NFKB1: variants seen among roughly 807,000 people sequenced by gnomAD.
NFKB1 encodes nuclear factor kappa B subunit 1, also known as nuclear factor NF-kappa-B p105 subunit.
In NFKB1, 9 loss-of-function variants were observed where a neutral mutation model predicts 105.1. The ratio of observed to expected loss-of-function variants is 0.09; its 90% CI spans 0.05 to 0.15. NFKB1 has a LOEUF of 0.15. Among genes scored for constraint, NFKB1 ranks in the 10% least tolerant of loss-of-function variants. The pLI is 1.00. For synonymous variants in NFKB1, 440 were observed against 442.2 expected (o/e 1.00, Z 0.06); for missense variants, 830 against 1,203.7 (o/e 0.69, Z 4.59).
chr4:102,515,403 C>T (rs1281342376), intron 1 of NFKB1, among the ~76,000 whole-genome samples: 1 of 152,140 alleles, frequency 6.6e-6, no homozygotes, highest in Non-Finnish European at 1.5e-5. Flanking sequence ...AGCCACCGCG[C>T]CCGGCCCCAT....
At chr4:102,562,887 GTCA>G (rs970194679) in intron 5 of NFKB1, among the ~76,000 whole-genome samples, 5 of 151,982 alleles carry the variant, frequency 3.3e-5, no homozygotes, top group Non-Finnish European at 5.9e-5. Context: ...CATTACCATT[GTCA>G]TCATCATCAT....
intron 1 of NFKB1, among the ~76,000 whole-genome samples, chr4:102,503,962 G>C (rs1432734003): frequency 1.3e-5 from 2 of 152,172 alleles, no homozygotes; most frequent in Non-Finnish European, 2.9e-5. Context: ...TCTAGATAGG[G>C]AATTGGCAGC....
At chr4:102,523,074 T>A (rs758238051) in intron 1 of NFKB1, among the ~76,000 whole-genome samples, 1 of 152,200 alleles carries the variant, frequency 6.6e-6, no homozygotes, top group Non-Finnish European at 1.5e-5. Flanking sequence ...GGTTATATTC[T>A]TTTCAAAAAT....
intron 1 of NFKB1, among the ~76,000 whole-genome samples, chr4:102,511,464 C>A (rs1462628628): frequency 1.3e-5 from 2 of 151,972 alleles, no homozygotes; most frequent in Non-Finnish European, 2.9e-5. Flanking sequence ...TGCTTAAACC[C>A]AGGAATTTGA....
intron 1 of NFKB1, among the ~76,000 whole-genome samples, chr4:102,517,140 T>C (rs1740246531): frequency 6.6e-6 from 1 of 152,226 alleles, no homozygotes; most frequent in Admixed American, 6.5e-5. Context: ...TCTGAGGCTC[T>C]TGCTTTTTGT....
At chr4:102,565,100 A>G (rs555363771) in intron 5 of NFKB1, among the ~76,000 whole-genome samples, 4 of 152,064 alleles carry the variant, frequency 2.6e-5, no homozygotes, top group Non-Finnish European at 5.9e-5. Flanking sequence ...CTCCTTGTTA[A>G]AGGGAAAGCA....
intron 3 of NFKB1, among the ~76,000 whole-genome samples, chr4:102,533,310 G>A (rs577298286): frequency 1.1e-4 from 17 of 152,238 alleles, no homozygotes; most frequent in African/African-American, 3.1e-4. Context: ...AAAACCTAGT[G>A]TAAGGAAAAA....
At chr4:102,584,918 G>T in intron 11 of NFKB1, 98 bp downstream of exon 11, 1 of 1,219,810 alleles carries the variant, frequency 8.2e-7, no homozygotes, top group Non-Finnish European at 1.1e-6. Flanking sequence ...GTCTGACTCT[G>T]TTGCCCAGGC....
intron 1 of NFKB1, among the ~76,000 whole-genome samples, chr4:102,519,539 G>A (rs1740433372): frequency 6.6e-6 from 1 of 151,622 alleles, no homozygotes; most frequent in African/African-American, 2.4e-5. Flanking sequence ...ACATTGTTTG[G>A]TATTTTTATC....
chr4:102,557,090 G>C (rs1723041443), intron 5 of NFKB1: 1 of 152,186 alleles, frequency 6.6e-6, no homozygotes, highest in Admixed American at 6.5e-5. Flanking sequence ...AAGTAACAGG[G>C]ATGTTTTGAG....
chr4:102,579,332 A>G (rs1254118302), intron 8 of NFKB1, among the ~76,000 whole-genome samples: 1 of 152,086 alleles, frequency 6.6e-6, no homozygotes, highest in Non-Finnish European at 1.5e-5. Context: ...TGCTATAAAG[A>G]TATATGGTTG....
At chr4:102,523,057 T>G (rs953562447) in intron 1 of NFKB1, among the ~76,000 whole-genome samples, 3 of 152,210 alleles carry the variant, frequency 2.0e-5, no homozygotes, top group African/African-American at 7.2e-5. Flanking sequence ...TATTCTAATC[T>G]CAACAAGGTT....
chr4:102,598,444 C>G (rs999788735), intron 15 of NFKB1, among the ~76,000 whole-genome samples: 14 of 152,150 alleles, frequency 9.2e-5, no homozygotes, highest in African/African-American at 2.7e-4. Flanking sequence ...TGGAAGAGCT[C>G]TTGAGTGCTG....
chr4:102,510,740 CTT>C (rs1256103310), intron 1 of NFKB1: 1 of 174,844 alleles, frequency 5.7e-6, no homozygotes, highest in African/African-American at 2.4e-5. Flanking sequence ...TTATGGAAAA[CTT>C]GAGACAAAAA....
intron 2 of NFKB1, 100 bp from the exon 3 acceptor site, chr4:102,529,736 G>C (rs1209151339): frequency 1.2e-6 from 1 of 865,716 alleles, no homozygotes; most frequent in African/African-American, 1.7e-5. Flanking sequence ...TTTGGCTTTA[G>C]TTTCATTCCT....
At chr4:102,520,064 C>T (rs1740465472) in intron 1 of NFKB1, among the ~76,000 whole-genome samples, 1 of 152,116 alleles carries the variant, frequency 6.6e-6, no homozygotes, top group Non-Finnish European at 1.5e-5. Flanking sequence ...GGATGTGTAG[C>T]AGCATCTGTA....
Position 102,607,804 on chromosome 4 carries a change from C to G in NFKB1, c.2227+53C>G, listed in dbSNP as rs41487649. ...TGAAAAATGTTACCAGGAATGCAAA[C>G]CCAACTTCAATAGAGCAGTCATGTT... On this transcript the variant is annotated intron_variant, in intron 19 of 23. Coordinates refer to ENST00000226574, the MANE Select transcript of NFKB1 (RefSeq NM_003998.4). 2.2e-4 allele frequency: 338 copies of G among 1,504,522 alleles called. 3 individuals are homozygous for G. In the South Asian group the frequency reaches 3.6e-3, roughly 16 times the overall value. 93.2% of individuals were successfully genotyped at this position (1,504,522 alleles called of 1,614,324 possible). A position where few individuals can be genotyped will look rare whatever the true frequency, so the allele number is the denominator to read the frequency against.
At chr4:102,610,193 T>C (rs576829470) in intron 19 of NFKB1, among the ~76,000 whole-genome samples, 13 of 152,322 alleles carry the variant, frequency 8.5e-5, no homozygotes, top group African/African-American at 2.9e-4. Context: ...ATGCATAAAT[T>C]TGAACAGTTA....
At chr4:102,519,579 A>G (rs192180397) in intron 1 of NFKB1, among the ~76,000 whole-genome samples, 3 of 152,096 alleles carry the variant, frequency 2.0e-5, no homozygotes, top group South Asian at 4.1e-4. Context: ...TGAATAACTC[A>G]TTTTGTGTAT....
Sources: gnomAD v4.1 joint callset for allele counts (sites outside exome capture counted in the v4.1 genomes callset) on GRCh38, gnomAD v4.1.1 for gene constraint, MANE v1.5 for transcripts, NCBI Gene and HGNC (gene_info 2026-07-23, HGNC 2026-07-21) for gene names.